Variants in ZNF462 observed in about 807,000 individuals in gnomAD.
ZNF462 encodes zinc finger protein 462, also known as zinc finger PBX1-interacting protein.
A neutral mutation model predicts 201.9 loss-of-function variants in ZNF462; 10 were observed. That is an observed-to-expected ratio of 0.05 (90% CI 0.03 to 0.08). The LOEUF is 0.08. Among genes scored for constraint, ZNF462 ranks in the 10% least tolerant of loss-of-function variants. The pLI is 1.00. For synonymous variants in ZNF462, 1,227 were observed against 1,193.3 expected, an observed-to-expected ratio of 1.03 and a Z score of -0.58; for missense variants, 2,523 against 3,168.3, an observed-to-expected ratio of 0.80 and a Z score of 4.89.
At chr9:106,922,297 T>C (rs1830023202) in intron 1 of ZNF462, among the ~76,000 whole-genome samples, 1 of 152,216 alleles carries the variant, frequency 6.6e-6, no homozygotes, top group Non-Finnish European at 1.5e-5. Context: ...TACATTAAGA[T>C]AGGAAGGACT....
At chr9:106,948,642 T>C (rs1233502001) in intron 7 of ZNF462, among the ~76,000 whole-genome samples, 1 of 151,864 alleles carries the variant, frequency 6.6e-6, no homozygotes, top group Non-Finnish European at 1.5e-5. Flanking sequence ...TATACAAACA[T>C]AGGTTGTCAT....
intron 1 of ZNF462, among the ~76,000 whole-genome samples, chr9:106,864,340 G>T (rs1051840309): frequency 6.6e-6 from 1 of 151,922 alleles, no homozygotes; most frequent in African/African-American, 2.4e-5. Context: ...CACACGCTTG[G>T]CTCTCCTCTG....
In ZNF462 at chr9:106,954,833, T is replaced by C. The variant is rs7043419; in HGVS notation, c.6427+15726T>C. On this transcript the variant is annotated intron_variant, in intron 7 of 12. Coordinates refer to ENST00000277225, the MANE Select transcript of ZNF462 (RefSeq NM_021224.6). This position sits in a 1 kb window ranked among gnomAD's most constrained non-coding sequence, Gnocchi z 4.0. The stretch of plus-strand genomic sequence containing the variant: ...AGAACATGTAGTTCAGTCTACTGAC[T>C]CCATAATATTACCAGGAGGGAGCTC... 0.12 allele frequency among the ~76,000 whole-genome samples: 18,974 copies of C among 152,182 alleles called. 3,136 individuals are homozygous for C. The highest frequency in any genetic ancestry group is 0.38 in the African/African-American group (15,791 of 41,480).
chr9:107,002,442 G>A lies in ZNF462; in HGVS notation c.7057-852G>A, dbSNP rs188482390. Among the ~76,000 whole-genome samples the A allele has an allele frequency of 1.8e-3, 276 of 152,330 alleles. 1 individual carries two copies. The highest frequency in any genetic ancestry group is 3.4e-3 in the Middle Eastern group (1 of 294). The stretch of plus-strand genomic sequence containing the variant: ...TGAACATTCTATGCATGCAACTGGA[G>A]AGGTTCTGAAAATCGATTCATGATG... On this transcript the variant is annotated intron_variant, in intron 10 of 12. Coordinates refer to ENST00000277225, the MANE Select transcript of ZNF462 (RefSeq NM_021224.6).
rs1434641699 is a variant in ZNF462, at chr9:106,870,265, G to A, written c.-31+6910G>A. Among the ~76,000 whole-genome samples the A allele has an allele frequency of 6.6e-6, 1 of 152,132 alleles. No homozygotes were observed. The highest frequency in any genetic ancestry group is 6.5e-5 in the Admixed American group (1 of 15,274). ...AAGCATTCTTGCCTAATTCCTAGCTGGAGACATTTTTTCTTGAGTTATTCT... is the reference window on the plus strand; with the variant it reads ...AAGCATTCTTGCCTAATTCCTAGCTAGAGACATTTTTTCTTGAGTTATTCT... On this transcript the variant is annotated intron_variant, in intron 1 of 12. Transcript: ENST00000277225. This position sits in a 1 kb window ranked among gnomAD's most constrained non-coding sequence, Gnocchi z 4.3.
chr9:106,881,007 G>C (rs1035140546), intron 1 of ZNF462, among the ~76,000 whole-genome samples: 1 of 152,192 alleles, frequency 6.6e-6, no homozygotes, highest in Non-Finnish European at 1.5e-5. Context: ...TAACAATTTG[G>C]AGGGGTATAG....
At chr9:106,884,772 C>T (rs977767936) in intron 1 of ZNF462, among the ~76,000 whole-genome samples, 1 of 152,066 alleles carries the variant, frequency 6.6e-6, no homozygotes, top group African/African-American at 2.4e-5. Flanking sequence ...AAGAGATGCA[C>T]TTGTTGACCG....
In ZNF462 at chr9:107,008,428, A is replaced by C. The variant is rs144611667; in HGVS notation, c.7190-1117A>C. Among the ~76,000 whole-genome samples the C allele has an allele frequency of 3.3e-5, 5 of 152,278 alleles. No individual in the cohort carries two copies. The highest frequency in any genetic ancestry group is 5.9e-5 in the Non-Finnish European group (4 of 68,024). ...CCATCCTGTTAACATCGTCCTGAGA[A>C]TCTTATTAGATGGGGCATTTCAACC... is the stretch of plus-strand genomic sequence containing the variant. On this transcript the variant is annotated intron_variant, in intron 11 of 12. Transcript: ENST00000277225. The surrounding 1 kb of genome is among the most constrained non-coding windows in gnomAD (Gnocchi z 4.8).
chr9:106,874,907 A>T (rs968041613), intron 1 of ZNF462, among the ~76,000 whole-genome samples: 4 of 152,202 alleles, frequency 2.6e-5, no homozygotes, highest in Admixed American at 1.3e-4. Flanking sequence ...AACATCACCC[A>T]TAGGTCCTGA....
intron 7 of ZNF462, among the ~76,000 whole-genome samples, chr9:106,944,032 T>C (rs1212193938): frequency 1.3e-5 from 2 of 152,180 alleles, no homozygotes; most frequent in African/African-American, 4.8e-5. Context: ...ACCTCCTGTA[T>C]AGGTGGGAAG....
At chr9:106,911,655 G>T (rs560225152) in intron 1 of ZNF462, among the ~76,000 whole-genome samples, 1 of 152,166 alleles carries the variant, frequency 6.6e-6, no homozygotes, top group African/African-American at 2.4e-5. Context: ...CCAAAAGCAG[G>T]TAAAAGTGTT....
rs1450702141 is a variant in ZNF462, at chr9:106,879,134, T to C, written c.-31+15779T>C. Among the ~76,000 whole-genome samples, 3 of 152,264 alleles carry C rather than the reference T, an allele frequency of 2.0e-5. No homozygotes were observed. The East Asian group carries it at 5.8e-4, about 29-fold the overall frequency. The stretch of plus-strand genomic sequence containing the variant: ...TTGCTGAATGCATTAAGCATTGAAA[T>C]GGTGCTTTCAGGTCTGCCGAGCCAG... On this transcript the variant is annotated intron_variant, in intron 1 of 12. Coordinates refer to ENST00000277225, the MANE Select transcript of ZNF462 (RefSeq NM_021224.6).
rs1830608936 is a variant in ZNF462, at chr9:106,935,844, C to T, written c.6235+223C>T. Among the ~76,000 whole-genome samples, 1 of 152,046 alleles carries T rather than the reference C, an allele frequency of 6.6e-6. No homozygotes were observed. Among genetic ancestry groups the T allele is most frequent in the African/African-American group, 2.4e-5 (1 of 41,390 alleles). On this transcript the variant is annotated intron_variant, in intron 6 of 12. Transcript: ENST00000277225. The surrounding 1 kb of genome is among the most constrained non-coding windows in gnomAD (Gnocchi z 4.1). Reference sequence around the variant, plus strand: ...CAAAATAATACAAAGCCTATGTCACCCATGTTATGGTTAGTTCGTTCGTCC... The same window carrying T: ...CAAAATAATACAAAGCCTATGTCACTCATGTTATGGTTAGTTCGTTCGTCC...
At chr9:107,000,250 C>T (rs1442552327) in intron 10 of ZNF462, among the ~76,000 whole-genome samples, 1 of 151,862 alleles carries the variant, frequency 6.6e-6, no homozygotes, top group Non-Finnish European at 1.5e-5. Flanking sequence ...GCCAGAATAA[C>T]ATGAGAGCCC....
Position 106,977,010 on chromosome 9 carries a change from T to C in ZNF462, c.6832+2737T>C, listed in dbSNP as rs576886915. ...AGTATCACCCTGTTGAGTGTTCTAG[T>C]AGCTGTGGCGGCTGAGTTCAAAGAC... On this transcript the variant is annotated intron_variant, in intron 9 of 12. Coordinates refer to ENST00000277225, the MANE Select transcript of ZNF462 (RefSeq NM_021224.6). The surrounding 1 kb of genome is among the most constrained non-coding windows in gnomAD (Gnocchi z 4.6). Among the ~76,000 whole-genome samples the C allele has an allele frequency of 5.9e-5, 9 of 152,250 alleles. 1 individual carries two copies. In the East Asian group the frequency reaches 1.7e-3, roughly 29 times the overall value.
chr9:107,000,587 A>G (rs1341135216), intron 10 of ZNF462, among the ~76,000 whole-genome samples: 4 of 152,306 alleles, frequency 2.6e-5, no homozygotes, highest in Non-Finnish European at 4.4e-5. Context: ...TTCTAATTAC[A>G]TAGCAAAAAT....
intron 1 of ZNF462, among the ~76,000 whole-genome samples, chr9:106,879,508 A>G (rs932044990): frequency 6.6e-6 from 1 of 152,084 alleles, no homozygotes; most frequent in African/African-American, 2.4e-5. Flanking sequence ...TAGGGCGGGC[A>G]AAGGAAAGAG....
chr9:106,906,180 G>A (rs946729775), intron 1 of ZNF462, among the ~76,000 whole-genome samples: 1 of 152,224 alleles, frequency 6.6e-6, no homozygotes, highest in Non-Finnish European at 1.5e-5. Context: ...TGGGGGGTGT[G>A]TGTTTGGGAG....
Position 106,927,351 on chromosome 9 carries a change from A to G in ZNF462, c.3439A>G (p.Ile1147Val), listed in dbSNP as rs1223660970. 1 of 1,614,046 alleles carries G rather than the reference A, an allele frequency of 6.2e-7. No individual in the cohort carries two copies. The highest frequency in any genetic ancestry group is 8.5e-7 in the Non-Finnish European group (1 of 1,180,004). Reference sequence around the variant, plus strand: ...AGAAATAAAGGTTACTGCCAAATATATCAGACAGGCTCCTCCCACAGCTGC... The same window carrying G: ...AGAAATAAAGGTTACTGCCAAATATGTCAGACAGGCTCCTCCCACAGCTGC... ...HPEIKVTAKY[I>V]RQAPPTAAMM... is the part of the protein sequence containing the mutation. The change falls in exon 3 of 13, where the codon ATC (isoleucine) becomes GTC (valine). Residue 1147 changes from isoleucine (I) to valine (V), a missense_variant. Physicochemically the swap from Ile to Val is conservative, Grantham distance 29 (BLOSUM62 3). This residue lies in a region of ZNF462 where 222 missense variants were observed against 271.6 expected (regional missense o/e 0.82). Transcript: ENST00000277225.
Sources: allele counts gnomAD v4.1 joint callset (sites outside exome capture counted in the v4.1 genomes callset), GRCh38; gene constraint gnomAD v4.1.1; regional missense constraint gnomAD v4.1.1; non-coding constraint Gnocchi (gnomAD v3.1); transcripts MANE v1.5; gene names NCBI Gene and HGNC (gene_info 2026-07-23, HGNC 2026-07-21).